FHIT: variants seen among roughly 807,000 people sequenced by gnomAD.
FHIT encodes the protein fragile histidine triad diadenosine triphosphatase.
FHIT carries 19 observed loss-of-function variants against 17.9 expected under a neutral mutation model. The observed-to-expected ratio is 1.06, with a 90% CI of 0.74 to 1.56. FHIT has a LOEUF of 1.56. Ranked by LOEUF, FHIT falls within the 40% of genes most tolerant of loss-of-function variation. The pLI is 0.00. For missense variants in FHIT, 248 were observed against 189.2 expected (o/e 1.31, Z -1.82); for synonymous variants, 81 against 69.7 (o/e 1.16, Z -0.81).
intron 4 of FHIT, among the ~76,000 whole-genome samples, chr3:60,549,626 G>C (rs2036480773): frequency 1.3e-5 from 2 of 152,054 alleles, no homozygotes; most frequent in South Asian, 4.1e-4. Flanking sequence ...TTAATGCCAG[G>C]CATTCTCTAA....
At chr3:60,949,138 G>A (rs13319364) in intron 3 of FHIT, among the ~76,000 whole-genome samples, 4,021 of 152,216 alleles carry the variant, frequency 0.026, 173 homozygotes, top group African/African-American at 0.091. Flanking sequence ...AGCAAGTTCC[G>A]GAACTCTCTG....
At position 60,262,857 on chromosome 3, in the gene FHIT, T is replaced by TA. The variant is rs958345501; in HGVS notation, c.104-248706dup. 4.8e-4 allele frequency among the ~76,000 whole-genome samples: 69 copies of TA among 143,770 alleles called. No homozygotes were observed. In the East Asian group the frequency reaches 6.3e-3, roughly 13 times the overall value. The allele number at this position is 143,770 out of a possible 152,430, so 94.3% of individuals were successfully genotyped here. Reference sequence around the variant, plus strand: ...CATATAAAGTACAAAGAAAAAAAGATAAAAAAAAAAGACTTGGATTTGAAG... The same window carrying TA: ...CATATAAAGTACAAAGAAAAAAAGATAAAAAAAAAAAGACTTGGATTTGAAG... On this transcript the variant is annotated intron_variant, in intron 5 of 9. Coordinates refer to ENST00000492590, the MANE Select transcript of FHIT (RefSeq NM_002012.4).
chr3:59,766,295 A>G (rs1559586171), intron 8 of FHIT, among the ~76,000 whole-genome samples: 1 of 152,242 alleles, frequency 6.6e-6, no homozygotes, highest in Non-Finnish European at 1.5e-5. Context: ...ACAACATCGG[A>G]TGACCGCAGT....
At chr3:60,978,899 G>C (rs181261912) in intron 3 of FHIT, among the ~76,000 whole-genome samples, 18 of 152,260 alleles carry the variant, frequency 1.2e-4, no homozygotes, top group Admixed American at 1.0e-3. Flanking sequence ...GTGTAGAGTT[G>C]TAACCACATT....
At chr3:60,566,701 T>C (rs1374346471) in intron 4 of FHIT, among the ~76,000 whole-genome samples, 1 of 152,142 alleles carries the variant, frequency 6.6e-6, no homozygotes, top group East Asian at 1.9e-4. Flanking sequence ...ATTGTATATC[T>C]AGAAAACCCC....
At chr3:60,133,372 GC>G (rs1699679702) in intron 5 of FHIT, among the ~76,000 whole-genome samples, 1 of 152,132 alleles carries the variant, frequency 6.6e-6, no homozygotes, top group African/African-American at 2.4e-5. Flanking sequence ...TGGGCTCAAA[GC>G]CAGCTCCCTG....
At chr3:60,741,014 A>G (rs2042229006) in intron 4 of FHIT, among the ~76,000 whole-genome samples, 1 of 152,186 alleles carries the variant, frequency 6.6e-6, no homozygotes, top group African/African-American at 2.4e-5. Flanking sequence ...CCTCTAATCA[A>G]TATTAACCCA....
intron 3 of FHIT, among the ~76,000 whole-genome samples, chr3:60,829,546 TA>T: frequency 6.6e-6 from 1 of 152,176 alleles, no homozygotes; most frequent in Admixed American, 6.5e-5. Flanking sequence ...TTTGGAAAGT[TA>T]TTAGAAGAGG....
At chr3:60,863,983 T>C (rs1324205161) in intron 3 of FHIT, among the ~76,000 whole-genome samples, 7 of 152,154 alleles carry the variant, frequency 4.6e-5, no homozygotes, top group African/African-American at 1.4e-4. Flanking sequence ...AGAAGTTTAA[T>C]GGACTCACAG....
chr3:60,225,772 C>T (rs554958272), intron 5 of FHIT, among the ~76,000 whole-genome samples: 19 of 152,234 alleles, frequency 1.2e-4, no homozygotes, highest in African/African-American at 3.6e-4. Context: ...AGATAACAGA[C>T]GGACAGGGGA....
chr3:60,917,958 G>A (rs540627540), intron 3 of FHIT, among the ~76,000 whole-genome samples: 1 of 152,308 alleles, frequency 6.6e-6, no homozygotes, highest in South Asian at 2.1e-4. Flanking sequence ...TTGGTTGTGT[G>A]CCCACCTAAA....
At chr3:59,757,823 C>T (rs1210494612) in intron 8 of FHIT, among the ~76,000 whole-genome samples, 1 of 152,116 alleles carries the variant, frequency 6.6e-6, no homozygotes, top group African/African-American at 2.4e-5. Context: ...TATATAAAGT[C>T]TCAAAAGGAA....
chr3:60,363,246 C>G (rs961126419), intron 5 of FHIT, among the ~76,000 whole-genome samples: 4 of 152,140 alleles, frequency 2.6e-5, no homozygotes, highest in Admixed American at 6.6e-5. Flanking sequence ...TGTGTCCCCA[C>G]TGAATCACTC....
At chr3:59,826,335 T>C (rs1270680577) in intron 8 of FHIT, among the ~76,000 whole-genome samples, 5 of 152,222 alleles carry the variant, frequency 3.3e-5, no homozygotes, top group African/African-American at 7.2e-5. Context: ...TACTTTAAAA[T>C]TGTAATATAG....
chr3:60,502,552 A>G (rs1199194054), intron 5 of FHIT, among the ~76,000 whole-genome samples: 2 of 152,214 alleles, frequency 1.3e-5, no homozygotes, highest in Non-Finnish European at 2.9e-5. Context: ...ACAGAGTGTC[A>G]GCAACTCCCC....
chr3:60,322,900 A>G (rs1208669992), intron 5 of FHIT, among the ~76,000 whole-genome samples: 1 of 152,244 alleles, frequency 6.6e-6, no homozygotes, highest in Non-Finnish European at 1.5e-5. Context: ...TGAAAAAAAT[A>G]CAATGTTTAA....
intron 5 of FHIT, among the ~76,000 whole-genome samples, chr3:60,053,405 C>G (rs1484924070): frequency 6.7e-6 from 1 of 148,800 alleles, no homozygotes; most frequent in Non-Finnish European, 1.5e-5. Flanking sequence ...ATACGAGATA[C>G]TCAACAAATT....
At chr3:60,592,096 A>G (rs1347359427) in intron 4 of FHIT, among the ~76,000 whole-genome samples, 2 of 151,336 alleles carry the variant, frequency 1.3e-5, no homozygotes, top group African/African-American at 2.4e-5. Context: ...ATAATCATCA[A>G]ATTAGAAGCT....
At chr3:60,766,122 T>C (rs1575497539) in intron 4 of FHIT, among the ~76,000 whole-genome samples, 1 of 152,208 alleles carries the variant, frequency 6.6e-6, no homozygotes, top group East Asian at 1.9e-4. Flanking sequence ...CTTCCTAATA[T>C]ATTCCCTTAT....
Sources: gnomAD v4.1 joint callset for allele counts (sites outside exome capture counted in the v4.1 genomes callset) on GRCh38, gnomAD v4.1.1 for gene constraint, MANE v1.5 for transcripts, NCBI Gene and HGNC (gene_info 2026-07-23, HGNC 2026-07-21) for gene names.